Variants in DNER observed in about 807,000 individuals in gnomAD.
The protein encoded by DNER is delta and Notch-like epidermal growth factor-related receptor.
In DNER, 33 loss-of-function variants were observed where a neutral mutation model predicts 78.2. That is an observed-to-expected ratio of 0.42 (90% confidence interval 0.32 to 0.56). DNER has a LOEUF of 0.56. Among genes scored for constraint, DNER ranks in the 20% least tolerant of loss-of-function variants. The pLI is 0.11. For missense variants in DNER, 918 were observed against 975.3 expected (o/e 0.94, Z 0.78); for synonymous variants, 417 against 384.8 (o/e 1.08, Z -0.98).
At chr2:229,440,402 G>T (rs1694206420) in intron 8 of DNER, among the ~76,000 whole-genome samples, 2 of 151,980 alleles carry the variant, frequency 1.3e-5, no homozygotes, top group South Asian at 4.2e-4. Context: ...TCCCTCCCCT[G>T]ACTCCCAGGA....
intron 1 of DNER, among the ~76,000 whole-genome samples, chr2:229,661,313 C>T (rs1206140406): frequency 2.0e-5 from 3 of 152,058 alleles, no homozygotes; most frequent in Non-Finnish European, 4.4e-5. Context: ...CCCCACACCT[C>T]CCCAAAAAAA....
chr2:229,504,990 C>T (rs1695704827), intron 6 of DNER, among the ~76,000 whole-genome samples: 1 of 152,288 alleles, frequency 6.6e-6, no homozygotes, highest in Admixed American at 6.5e-5. Flanking sequence ...ATAGGACCCT[C>T]CAGCCGTCCC....
intron 11 of DNER, among the ~76,000 whole-genome samples, chr2:229,386,677 T>C (rs187997201): frequency 1.3e-5 from 2 of 149,298 alleles, no homozygotes; most frequent in Non-Finnish European, 3.0e-5. Flanking sequence ...TATGAACAGA[T>C]ACCTCTCAAA....
chr2:229,709,447 T>G (rs1173446428), intron 1 of DNER, among the ~76,000 whole-genome samples: 1 of 152,134 alleles, frequency 6.6e-6, no homozygotes, highest in Non-Finnish European at 1.5e-5. Context: ...ATTCAACATT[T>G]TGTACATACT....
chr2:229,586,063 G>A (rs757113695), intron 3 of DNER, 39 bp from the exon 4 acceptor site: 14 of 1,564,052 alleles, frequency 9.0e-6, no homozygotes, highest in Non-Finnish European at 1.0e-5. Flanking sequence ...GCTCCTTTCA[G>A]AAAAATTCAT....
chr2:229,391,857 T>C (rs1244754134), intron 10 of DNER, among the ~76,000 whole-genome samples: 1 of 152,224 alleles, frequency 6.6e-6, no homozygotes, highest in Non-Finnish European at 1.5e-5. Context: ...TTTTTTTCAA[T>C]GTACTACCTT....
chr2:229,691,054 A>G (rs539136751), intron 1 of DNER, among the ~76,000 whole-genome samples: 54 of 152,314 alleles, frequency 3.5e-4, no homozygotes, highest in African/African-American at 1.2e-3. Context: ...GGACCTGGTC[A>G]TTCAGACCAA....
At chr2:229,492,261 C>T (rs1448319504) in intron 6 of DNER, among the ~76,000 whole-genome samples, 1 of 152,178 alleles carries the variant, frequency 6.6e-6, no homozygotes, top group African/African-American at 2.4e-5. Flanking sequence ...AGGAGGATCA[C>T]ACAAGGTCAC....
At chr2:229,388,589 GGAAATATATATA>G (rs1692949726) in intron 10 of DNER, among the ~76,000 whole-genome samples, 193 bp from the exon 11 acceptor site, 1 of 51,388 alleles carries the variant, frequency 1.9e-5, no homozygotes. Flanking sequence ...AAACTAAAAA[GGAAATATATATA>G]TATATATATA....
chr2:229,455,126 G>A (rs956983837), intron 7 of DNER, among the ~76,000 whole-genome samples: 2 of 152,034 alleles, frequency 1.3e-5, no homozygotes, highest in African/African-American at 4.8e-5. Context: ...TATCAGCTAA[G>A]CTATTATCTT....
At chr2:229,598,066 A>G (rs1480739014) in intron 1 of DNER, among the ~76,000 whole-genome samples, 1 of 152,136 alleles carries the variant, frequency 6.6e-6, no homozygotes, top group Non-Finnish European at 1.5e-5. Context: ...CGGCGTACAA[A>G]CAGAAGGACG....
intron 1 of DNER, among the ~76,000 whole-genome samples, chr2:229,594,288 G>C (rs2154214718): frequency 6.6e-6 from 1 of 152,274 alleles, no homozygotes; most frequent in African/African-American, 2.4e-5. Flanking sequence ...TATCACTTCT[G>C]AGAAAAAGAA....
At chr2:229,513,663 A>G (rs1222487636) in intron 5 of DNER, among the ~76,000 whole-genome samples, 1 of 152,188 alleles carries the variant, frequency 6.6e-6, no homozygotes, top group Non-Finnish European at 1.5e-5. Context: ...GAAATAAACC[A>G]CAAATCTGTC....
At chr2:229,578,504 A>G (rs983667805) in intron 4 of DNER, among the ~76,000 whole-genome samples, 3 of 152,178 alleles carry the variant, frequency 2.0e-5, no homozygotes, top group Non-Finnish European at 2.9e-5. Context: ...ATAGACACAC[A>G]CAGAAAATTA....
intron 1 of DNER, among the ~76,000 whole-genome samples, chr2:229,595,198 T>C (rs923736140): frequency 2.8e-4 from 42 of 152,194 alleles, no homozygotes; most frequent in African/African-American, 1.0e-3. Flanking sequence ...CATTTGTACA[T>C]TTATTATTCT....
intron 8 of DNER, among the ~76,000 whole-genome samples, chr2:229,440,168 T>C: frequency 6.6e-6 from 1 of 152,232 alleles, no homozygotes; most frequent in African/African-American, 2.4e-5. Context: ...AACAGCAGTG[T>C]CCTTCCTCCC....
intron 11 of DNER, among the ~76,000 whole-genome samples, chr2:229,374,448 T>C (rs1327354204): frequency 1.3e-5 from 2 of 152,188 alleles, no homozygotes; most frequent in Non-Finnish European, 2.9e-5. Context: ...CAAGTAGTTA[T>C]GTCTAATAGT....
intron 5 of DNER, among the ~76,000 whole-genome samples, chr2:229,520,461 A>G (rs1052560333): frequency 3.3e-5 from 5 of 152,148 alleles, no homozygotes; most frequent in South Asian, 4.2e-4. Context: ...ATTCCAAACT[A>G]CATCCGGGTT....
chr2:229,591,816 CGCTGCTGCTGCT>C lies in DNER; in HGVS notation c.337_348del (p.Ser113_Ser116del), dbSNP rs376000556. ...TCATTGCAAATGCAGAGGTAGCCAT[CGCTGCTGCTGCT>C]GCTGCTGCTGCTGCAGTTGCCATGG... On this transcript the variant is annotated inframe_deletion, in exon 2 of 13. Coordinates refer to ENST00000341772, the MANE Select transcript of DNER (RefSeq NM_139072.4). This position sits in a 1 kb window ranked among gnomAD's most constrained non-coding sequence, Gnocchi z 4.6. 2.9e-3 allele frequency: 4,721 copies of C among 1,611,488 alleles called. 128 individuals carry two copies. The African/African-American group carries it at 0.057, about 20-fold the overall frequency.
Sources: gnomAD v4.1 joint callset for allele counts (sites outside exome capture counted in the v4.1 genomes callset) on GRCh38, gnomAD v4.1.1 for gene constraint, Gnocchi (gnomAD v3.1) non-coding constraint, MANE v1.5 for transcripts, NCBI Gene and HGNC (gene_info 2026-07-23, HGNC 2026-07-21) for gene names.